GRIN3A: variants seen among roughly 807,000 people sequenced by gnomAD.
GRIN3A encodes the protein glutamate receptor ionotropic, NMDA 3A.
GRIN3A carries 47 observed loss-of-function variants against 92.4 expected under a neutral mutation model. The ratio of observed to expected loss-of-function variants is 0.51; its 90% CI spans 0.40 to 0.65. GRIN3A has a LOEUF of 0.65. Among genes scored for constraint, GRIN3A ranks in the 30% least tolerant of loss-of-function variants. GRIN3A has a pLI of 0.00. For missense variants in GRIN3A, 1,324 were observed against 1,393.1 expected (o/e 0.95, Z 0.79); for synonymous variants, 527 against 540.6 (o/e 0.97, Z 0.35).
chr9:101,631,406 C>T (rs1213875630), intron 3 of GRIN3A, among the ~76,000 whole-genome samples: 1 of 152,100 alleles, frequency 6.6e-6, no homozygotes, highest in Non-Finnish European at 1.5e-5. Flanking sequence ...ATTAAAATAC[C>T]TTTCTCTCAT....
At chr9:101,707,986 T>TG (rs1829832515) in intron 1 of GRIN3A, among the ~76,000 whole-genome samples, 1 of 151,652 alleles carries the variant, frequency 6.6e-6, no homozygotes, top group African/African-American at 2.4e-5. Context: ...GATTATCAAG[T>TG]GGGGAAAAAA....
chr9:101,641,072 T>C (rs976859360), intron 3 of GRIN3A, among the ~76,000 whole-genome samples: 2 of 152,140 alleles, frequency 1.3e-5, no homozygotes, highest in African/African-American at 4.8e-5. Flanking sequence ...AAATTCTTAC[T>C]AAGCGTTGGA....
intron 5 of GRIN3A, among the ~76,000 whole-genome samples, chr9:101,616,395 T>C (rs1471230298): frequency 1.1e-4 from 17 of 152,168 alleles, no homozygotes; most frequent in Admixed American, 1.1e-3. Context: ...TCTTTTGTTT[T>C]CAGTCCTGCC....
At chr9:101,595,002 G>T in intron 6 of GRIN3A, 2 of 1,514,970 alleles carry the variant, frequency 1.3e-6, no homozygotes, top group Non-Finnish European at 1.8e-6. Context: ...GCTCGTGCCC[G>T]GACGGTTGGG....
At chr9:101,653,760 A>G (rs1365441569) in intron 3 of GRIN3A, among the ~76,000 whole-genome samples, 2 of 151,840 alleles carry the variant, frequency 1.3e-5, no homozygotes, top group Non-Finnish European at 2.9e-5. Flanking sequence ...ATTCTGAAAC[A>G]TAATCTTTCT....
chr9:101,614,608 A>ATTTTT (rs1564126676), intron 5 of GRIN3A, among the ~76,000 whole-genome samples: 25 of 128,360 alleles, frequency 1.9e-4, no homozygotes, highest in African/African-American at 7.5e-4. Flanking sequence ...TATATGTGAT[A>ATTTTT]CTTTTTTTTT....
chr9:101,587,916 T>TTATA (rs1554715676), intron 6 of GRIN3A, among the ~76,000 whole-genome samples: 14 of 152,028 alleles, frequency 9.2e-5, no homozygotes, highest in African/African-American at 3.4e-4. Flanking sequence ...CTGGTATCTA[T>TTATA]TTTATTTATT....
intron 7 of GRIN3A, among the ~76,000 whole-genome samples, chr9:101,578,728 G>A (rs568208056): frequency 2.0e-3 from 312 of 152,294 alleles, no homozygotes; most frequent in Non-Finnish European, 3.5e-3. Context: ...AGAGAACTGC[G>A]GCCTTGTGAA....
chr9:101,686,764 T>C lies in GRIN3A; in HGVS notation c.1136A>G (p.Lys379Arg), dbSNP rs1829541977. ...GTGCTCAAAGACAGACTGTGTTGTT[T>C]TTCCATGAGCAATGAGCCCTAAGGG... ...GLPLGLIAHG[K>R]TTQSVFEHYV... The change falls in exon 2 of 9, where the codon AAA (lysine) becomes AGA (arginine). Residue 379 changes from lysine to arginine, a missense_variant. Coordinates refer to ENST00000361820, the MANE Select transcript of GRIN3A (RefSeq NM_133445.3). The C allele has an allele frequency of 1.2e-6, 2 of 1,614,020 alleles. No homozygotes were observed. Among genetic ancestry groups the C allele is most frequent in the African/African-American group, 1.3e-5 (1 of 74,918 alleles).
rs1279041924 is a variant in GRIN3A at position 101,686,668 on chromosome 9, G to A, written c.1232C>T (p.Ala411Val). ...GCAGTTCATCGTGCTGGGAATGAGA[G>A]CAAGTTCTGGTTGGATCATGGTGGC... ...ATATMIQPEL[A>V]LIPSTMNCME... The change falls in exon 2 of 9, where the codon GCT (alanine) becomes GTT (valine). Residue 411 changes from alanine (A) to valine (V), a missense_variant. Physicochemically the swap from Ala to Val is moderately conservative, Grantham distance 64. Transcript: ENST00000361820. 6.2e-7 allele frequency: 1 copy of A among 1,614,180 alleles called. No individual in the cohort carries two copies. The highest frequency in any genetic ancestry group is 1.7e-5 in the Admixed American group (1 of 60,030).
At chr9:101,655,705 G>A (rs1829078656) in intron 3 of GRIN3A, among the ~76,000 whole-genome samples, 1 of 151,932 alleles carries the variant, frequency 6.6e-6, no homozygotes, top group South Asian at 2.1e-4. Context: ...TGCATTTTCT[G>A]CTTCACAAAG....
chr9:101,640,580 G>A (rs1361972741), intron 3 of GRIN3A, among the ~76,000 whole-genome samples: 4 of 152,100 alleles, frequency 2.6e-5, no homozygotes, highest in Non-Finnish European at 5.9e-5. Flanking sequence ...AATCCTTATA[G>A]CAAAGAGACT....
intron 5 of GRIN3A, among the ~76,000 whole-genome samples, chr9:101,622,327 G>T (rs945586449): frequency 2.0e-5 from 3 of 152,210 alleles, no homozygotes; most frequent in Non-Finnish European, 4.4e-5. Context: ...ACCCCCACGG[G>T]ATTGTTTTAA....
chr9:101,600,768 AG>A (rs1828200787), intron 6 of GRIN3A: 1 of 152,262 alleles, frequency 6.6e-6, no homozygotes. Context: ...AGGGAGGTCA[AG>A]GGAGAGCATG....
chr9:101,636,897 T>C (rs1828791952), intron 3 of GRIN3A, among the ~76,000 whole-genome samples: 1 of 152,228 alleles, frequency 6.6e-6, no homozygotes, highest in African/African-American at 2.4e-5. Flanking sequence ...GGATGGCTTC[T>C]GTGTCCTATT....
intron 6 of GRIN3A, among the ~76,000 whole-genome samples, chr9:101,611,661 C>T (rs1264274291): frequency 6.6e-6 from 1 of 152,160 alleles, no homozygotes; most frequent in African/African-American, 2.4e-5. Context: ...ATTGACAATA[C>T]AATTGTAAAC....
At chr9:101,617,855 A>T (rs904425473) in intron 5 of GRIN3A, among the ~76,000 whole-genome samples, 3 of 133,274 alleles carry the variant, frequency 2.3e-5, no homozygotes, top group South Asian at 2.4e-4. Flanking sequence ...TGTCCATGTG[A>T]TCTCATTGTT....
intron 2 of GRIN3A, among the ~76,000 whole-genome samples, chr9:101,677,577 T>A (rs1340300110): frequency 6.6e-6 from 1 of 152,106 alleles, no homozygotes; most frequent in Non-Finnish European, 1.5e-5. Flanking sequence ...CTTTATTTTT[T>A]TATGTCTCTT....
Position 101,717,276 on chromosome 9 carries a change from G to A in GRIN3A, c.699+20005C>T, listed in dbSNP as rs1020680031. 2.6e-5 allele frequency among the ~76,000 whole-genome samples: 4 copies of A among 152,118 alleles called. No homozygotes were observed. The East Asian group carries it at 5.8e-4, about 22-fold the overall frequency. Reference sequence around the variant, plus strand: ...TTCCTGGTCACATTTTGAAAATCACGTTGGATGACACTCTTAGGATAATGT... The same window carrying A: ...TTCCTGGTCACATTTTGAAAATCACATTGGATGACACTCTTAGGATAATGT... On this transcript the variant is annotated intron_variant, in intron 1 of 8. Transcript: ENST00000361820.
Sources: allele counts gnomAD v4.1 joint callset (sites outside exome capture counted in the v4.1 genomes callset), GRCh38; gene constraint gnomAD v4.1.1; transcripts MANE v1.5; gene names NCBI Gene and HGNC (gene_info 2026-07-23, HGNC 2026-07-21).